CBFA2T2: variants seen among roughly 807,000 people sequenced by gnomAD.
The protein encoded by CBFA2T2 is protein CBFA2T2.
CBFA2T2 carries 11 observed loss-of-function variants against 62.2 expected under a neutral mutation model. The observed-to-expected ratio is 0.18, with a 90% CI of 0.11 to 0.29. The LOEUF is 0.29. CBFA2T2 is among the 10% of genes least tolerant of loss of function. The probability of loss-of-function intolerance (pLI) is 1.00; values close to 1 mark genes in which losing one functional copy is unlikely to be tolerated. For missense variants in CBFA2T2, 592 were observed against 774.1 expected (o/e 0.76, Z 2.79); for synonymous variants, 295 against 287.5 (o/e 1.03, Z -0.27).
intron 1 of CBFA2T2, among the ~76,000 whole-genome samples, chr20:33,568,016 A>G (rs2013410664): frequency 6.6e-6 from 1 of 152,154 alleles, no homozygotes; most frequent in Non-Finnish European, 1.5e-5. Flanking sequence ...GGCGGGGACT[A>G]TTGTATTTTC....
intron 9 of CBFA2T2, among the ~76,000 whole-genome samples, chr20:33,638,149 AT>A (rs1213529625): frequency 6.6e-6 from 1 of 150,426 alleles, no homozygotes; most frequent in Non-Finnish European, 1.5e-5. Flanking sequence ...TAATTTTTGT[AT>A]TTTTAGTAGA....
intron 1 of CBFA2T2, among the ~76,000 whole-genome samples, chr20:33,503,672 T>A (rs2011342588): frequency 6.6e-6 from 1 of 152,070 alleles, no homozygotes; most frequent in African/African-American, 2.4e-5. Flanking sequence ...CTTGGCAGAG[T>A]CTCAGAATAA....
intron 1 of CBFA2T2, among the ~76,000 whole-genome samples, chr20:33,529,356 C>T (rs1336371916): frequency 6.6e-6 from 1 of 152,068 alleles, no homozygotes; most frequent in Non-Finnish European, 1.5e-5. Flanking sequence ...GACATTTTCT[C>T]ACAGATTCAT....
At chr20:33,592,433 T>C (rs1442090848) in intron 1 of CBFA2T2, among the ~76,000 whole-genome samples, 1 of 148,056 alleles carries the variant, frequency 6.8e-6, no homozygotes, top group African/African-American at 2.5e-5. Context: ...AAAAATTATA[T>C]ATAATTATGT....
chr20:33,527,683 T>C (rs755203587), intron 1 of CBFA2T2, among the ~76,000 whole-genome samples: 19 of 151,768 alleles, frequency 1.3e-4, no homozygotes, highest in Non-Finnish European at 1.9e-4. Context: ...CTAAGTCTTA[T>C]TGTTTTTTCT....
chr20:33,547,903 T>C (rs912317478), intron 1 of CBFA2T2, among the ~76,000 whole-genome samples: 2 of 152,132 alleles, frequency 1.3e-5, no homozygotes, highest in African/African-American at 2.4e-5. Context: ...AGAAATACTT[T>C]ACTGAGGGGT....
At position 33,611,118 on chromosome 20, in the gene CBFA2T2, C is replaced by T. The variant is rs2015510408; in HGVS notation, c.203C>T (p.Pro68Leu). 6.2e-7 allele frequency: 1 copy of T among 1,614,162 alleles called. No homozygotes were observed. The highest frequency in any genetic ancestry group is 1.1e-5 in the South Asian group (1 of 91,086). ...GTAAGCAATGGCATCAACCATTCTC[C>T]TCCTACCCTGAATGGTGCCCCATCA... Reference protein sequence around the residue: ...TALSNGINHSPPTLNGAPSPP... With the variant: ...TALSNGINHSLPTLNGAPSPP... Residue 68 changes from proline (P) to leucine (L), a missense_variant, in exon 3 of 11, where the codon CCT (proline) becomes CTT (leucine). Physicochemically the swap from Pro to Leu is moderately conservative, Grantham distance 98. Around this residue, in one of 3 missense-constraint regions of CBFA2T2, gnomAD observed 449 missense variants for 551.2 expected, o/e 0.81. Transcript: ENST00000342704.
chr20:33,526,866 C>A (rs1244788287), intron 1 of CBFA2T2, among the ~76,000 whole-genome samples: 1 of 152,182 alleles, frequency 6.6e-6, no homozygotes, highest in African/African-American at 2.4e-5. Flanking sequence ...TCTCCTACTT[C>A]TATCTCTTAC....
In CBFA2T2 at chr20:33,623,219, A is replaced by G. The variant is rs765506102; in HGVS notation, c.615A>G (p.Thr205=). 1 of 1,614,216 alleles carries G rather than the reference A, an allele frequency of 6.2e-7. No homozygotes were observed. The highest frequency in any genetic ancestry group is 1.1e-5 in the South Asian group (1 of 91,086). ...LAQHEHLLLN[T]SIASPADSSE... is the part of the protein sequence containing the mutation. ...AGCACGAACACCTTCTGCTCAACAC[A>G]AGCATTGCATCGCCTGCTGACTCGT... The change falls in exon 5 of 11, where the codon ACA becomes ACG. Residue 205 remains threonine, a synonymous_variant. Coordinates refer to ENST00000342704, the MANE Select transcript of CBFA2T2 (RefSeq NM_001032999.3).
At chr20:33,537,806 T>TTA (rs1231763331) in intron 1 of CBFA2T2, among the ~76,000 whole-genome samples, 1 of 152,202 alleles carries the variant, frequency 6.6e-6, no homozygotes, top group East Asian at 1.9e-4. Flanking sequence ...GTTGTTTATA[T>TTA]ATCTGTGGGT....
intron 6 of CBFA2T2, among the ~76,000 whole-genome samples, chr20:33,626,671 G>T (rs572241835): frequency 3.9e-5 from 6 of 152,278 alleles, no homozygotes; most frequent in African/African-American, 1.4e-4. Flanking sequence ...AAATTTCCAT[G>T]TATACCTTGT....
chr20:33,556,294 G>A (rs1036892039), intron 1 of CBFA2T2, among the ~76,000 whole-genome samples: 9 of 152,054 alleles, frequency 5.9e-5, no homozygotes, highest in African/African-American at 1.4e-4. Flanking sequence ...TTTGGGTTTC[G>A]TTGCCGTTAC....
chr20:33,582,411 C>T (rs1216570069), intron 1 of CBFA2T2, among the ~76,000 whole-genome samples: 2 of 152,004 alleles, frequency 1.3e-5, no homozygotes, highest in East Asian at 3.9e-4. Context: ...TCACTTGAAC[C>T]TGGGAGGCAG....
intron 1 of CBFA2T2, among the ~76,000 whole-genome samples, chr20:33,540,369 A>G (rs1568808366): frequency 6.6e-6 from 1 of 152,218 alleles, no homozygotes; most frequent in Non-Finnish European, 1.5e-5. Flanking sequence ...CACCTAGGAT[A>G]TATGTAAACC....
intron 10 of CBFA2T2, among the ~76,000 whole-genome samples, chr20:33,642,839 C>T (rs1363913580): frequency 6.6e-6 from 1 of 152,104 alleles, no homozygotes; most frequent in African/African-American, 2.4e-5. Flanking sequence ...GAGCATAGAT[C>T]CTGGATCTGG....
intron 3 of CBFA2T2, among the ~76,000 whole-genome samples, chr20:33,612,205 T>A (rs2015556432): frequency 6.6e-6 from 1 of 152,224 alleles, no homozygotes; most frequent in African/African-American, 2.4e-5. Flanking sequence ...GGTGAACCTG[T>A]GGCATAAAGG....
At chr20:33,527,453 A>G (rs1481498988) in intron 1 of CBFA2T2, among the ~76,000 whole-genome samples, 1 of 149,284 alleles carries the variant, frequency 6.7e-6, no homozygotes, top group African/African-American at 2.5e-5. Context: ...GCCCACTGCA[A>G]CCACTGCCTT....
intron 1 of CBFA2T2, among the ~76,000 whole-genome samples, chr20:33,533,370 G>A (rs371683326): frequency 6.6e-6 from 1 of 152,152 alleles, no homozygotes; most frequent in Non-Finnish European, 1.5e-5. Context: ...AGAATTTTAT[G>A]TATATATGTT....
intron 8 of CBFA2T2, among the ~76,000 whole-genome samples, chr20:33,631,325 C>CA (rs558052538): frequency 1.2e-3 from 180 of 152,242 alleles, no homozygotes; most frequent in African/African-American, 4.1e-3. Context: ...AAAAAACAAA[C>CA]AAAAAACTCC....
Sources: gnomAD v4.1 joint callset for allele counts (sites outside exome capture counted in the v4.1 genomes callset) on GRCh38, gnomAD v4.1.1 for gene constraint, gnomAD v4.1.1 regional missense constraint, MANE v1.5 for transcripts, NCBI Gene and HGNC (gene_info 2026-07-23, HGNC 2026-07-21) for gene names.